The following SLC35F3 variants were observed in gnomAD, a reference collection of about 807,000 sequenced individuals.
The protein encoded by SLC35F3 is solute carrier family 35 member F3.
Under a neutral mutation model 49.9 loss-of-function variants are expected in SLC35F3, and 25 were observed. That is an observed-to-expected ratio of 0.50 (90% CI 0.37 to 0.70). The LOEUF (loss-of-function observed/expected upper bound fraction) is 0.70. SLC35F3 is among the 30% of genes least tolerant of loss of function. The pLI, the probability that SLC35F3 is intolerant of heterozygous loss-of-function variation, is 0.00. For missense variants in SLC35F3, 525 were observed against 639.8 expected (o/e 0.82, Z 1.94); for synonymous variants, 275 against 265.4 (o/e 1.04, Z -0.35).
At chr1:234,284,554 G>A (rs1668381049) in intron 3 of SLC35F3, among the ~76,000 whole-genome samples, 1 of 152,206 alleles carries the variant, frequency 6.6e-6, no homozygotes, top group Non-Finnish European at 1.5e-5. Context: ...GACTGTTGTA[G>A]TGGCCTGGAC....
chr1:234,259,674 AAATAAT>A (rs1393041001), intron 3 of SLC35F3, among the ~76,000 whole-genome samples: 2 of 151,338 alleles, frequency 1.3e-5, no homozygotes, highest in South Asian at 2.1e-4. Context: ...ACTCCATCTC[AAATAAT>A]AATAATGATA....
chr1:234,147,187 C>T (rs6672229), intron 2 of SLC35F3, among the ~76,000 whole-genome samples: 10,240 of 150,154 alleles, frequency 0.068, 577 homozygotes, highest in African/African-American at 0.14. Context: ...CTATTTGACA[C>T]CCTTTAATTC....
chr1:234,265,096 C>T (rs1438392135), intron 3 of SLC35F3, among the ~76,000 whole-genome samples: 2 of 152,136 alleles, frequency 1.3e-5, no homozygotes, highest in South Asian at 4.1e-4. Flanking sequence ...CTGATGATGA[C>T]CCCCAGATGC....
At chr1:234,309,464 A>C in intron 4 of SLC35F3, 144 bp downstream of exon 4, 1 of 698,750 alleles carries the variant, frequency 1.4e-6, no homozygotes, top group Non-Finnish European at 2.4e-6. Flanking sequence ...AAATGAGCCC[A>C]GCAGAGGGCC....
intron 2 of SLC35F3, among the ~76,000 whole-genome samples, chr1:234,043,235 A>G (rs962492417): frequency 2.6e-5 from 4 of 152,190 alleles, no homozygotes; most frequent in African/African-American, 4.8e-5. Context: ...TTACAGTAGC[A>G]GTTGTCAAAC....
At chr1:234,105,810 T>C (rs1665276511) in intron 2 of SLC35F3, among the ~76,000 whole-genome samples, 1 of 152,214 alleles carries the variant, frequency 6.6e-6, no homozygotes, top group Non-Finnish European at 1.5e-5. Flanking sequence ...CCCATTGCTA[T>C]CGGGACTGGA....
At chr1:233,906,665 G>GT (rs900551825) in intron 2 of SLC35F3, among the ~76,000 whole-genome samples, 63 of 152,070 alleles carry the variant, frequency 4.1e-4, no homozygotes, top group African/African-American at 1.3e-3. Flanking sequence ...TTGATTTTGA[G>GT]TTTTTTTCGA....
At chr1:234,306,097 G>A (rs1657167377) in intron 3 of SLC35F3, among the ~76,000 whole-genome samples, 2 of 152,138 alleles carry the variant, frequency 1.3e-5, no homozygotes, top group Admixed American at 1.3e-4. Flanking sequence ...ATCTGTCTTG[G>A]GTTCCCTTGC....
chr1:234,305,136 AATG>A lies in SLC35F3; in HGVS notation c.609-3962_609-3960del, dbSNP rs543578193. Among the ~76,000 whole-genome samples, 2 of 152,182 alleles carry A rather than the reference AATG, an allele frequency of 1.3e-5. 1 individual carries two copies. The highest frequency in any genetic ancestry group is 6.3e-3 in the Middle Eastern group (2 of 316). ...AACCAGTGTTTGTTGATATGAATTAAATGATAAGCCATCCTCATCCCTAAATGT... is the reference window on the plus strand; with the variant it reads ...AACCAGTGTTTGTTGATATGAATTAAATAAGCCATCCTCATCCCTAAATGT... On this transcript the variant is annotated intron_variant, in intron 3 of 7. Transcript: ENST00000366618.
At position 234,122,002 on chromosome 1, in the gene SLC35F3, A is replaced by G. The variant is rs191643854; in HGVS notation, c.284-109415A>G. ...TTTGGGTTGGTTCCAAGTCTTTGCT[A>G]TTGTGAATAGTGCTGCAATAAATAT... is the stretch of plus-strand genomic sequence containing the variant. On this transcript the variant is annotated intron_variant, in intron 2 of 7. Transcript: ENST00000366618. 1.8e-3 allele frequency among the ~76,000 whole-genome samples: 272 copies of G among 152,302 alleles called. 2 individuals carry two copies. Among genetic ancestry groups the G allele is most frequent in the African/African-American group, 6.1e-3 (255 of 41,552 alleles).
chr1:234,309,439 C>T, intron 4 of SLC35F3, 119 bp downstream of exon 4: 2 of 850,844 alleles, frequency 2.4e-6, no homozygotes, highest in Non-Finnish European at 3.6e-6. Context: ...CACTTTCCTT[C>T]TGATTTGCAG....
intron 2 of SLC35F3, among the ~76,000 whole-genome samples, chr1:234,187,796 G>A (rs1025373530): frequency 1.6e-4 from 25 of 152,268 alleles, no homozygotes; most frequent in African/African-American, 6.0e-4. Flanking sequence ...GTCTCACAGG[G>A]GTCCCTGGGG....
chr1:233,959,511 A>C (rs1662758849), intron 2 of SLC35F3, among the ~76,000 whole-genome samples: 1 of 152,104 alleles, frequency 6.6e-6, no homozygotes, highest in African/African-American at 2.4e-5. Context: ...TGAAAGATAT[A>C]ATTTTTTTTC....
chr1:234,242,365 C>T (rs995539121), intron 3 of SLC35F3, among the ~76,000 whole-genome samples: 1 of 152,222 alleles, frequency 6.6e-6, no homozygotes, highest in Non-Finnish European at 1.5e-5. Flanking sequence ...TAGGAAACTT[C>T]CTCTGATGCG....
At chr1:234,151,525 A>T (rs12071272) in intron 2 of SLC35F3, among the ~76,000 whole-genome samples, 2,790 of 152,004 alleles carry the variant, frequency 0.018, 81 homozygotes, top group African/African-American at 0.064. Context: ...AAATTATATA[A>T]GATGTGAAAA....
intron 2 of SLC35F3, among the ~76,000 whole-genome samples, chr1:234,170,526 G>C (rs1004642896): frequency 6.6e-6 from 1 of 151,872 alleles, no homozygotes; most frequent in Non-Finnish European, 1.5e-5. Context: ...TAGAGTACCC[G>C]TTCCAACCCA....
At chr1:234,075,324 G>A (rs75312367) in intron 2 of SLC35F3, among the ~76,000 whole-genome samples, 1 of 152,178 alleles carries the variant, frequency 6.6e-6, no homozygotes, top group Non-Finnish European at 1.5e-5. Flanking sequence ...TGCATGCCAA[G>A]CCCTTCACCT....
intron 3 of SLC35F3, among the ~76,000 whole-genome samples, chr1:234,238,540 A>G (rs1157648444): frequency 6.6e-6 from 1 of 152,002 alleles, no homozygotes; most frequent in African/African-American, 2.4e-5. Context: ...AGGTCCCACC[A>G]CTCCATATAG....
At chr1:234,250,928 T>C (rs920506254) in intron 3 of SLC35F3, among the ~76,000 whole-genome samples, 3 of 152,124 alleles carry the variant, frequency 2.0e-5, no homozygotes, top group African/African-American at 7.2e-5. Context: ...GCCCCTGTGA[T>C]ACAAAGACCT....
Sources: allele counts gnomAD v4.1 joint callset (sites outside exome capture counted in the v4.1 genomes callset), GRCh38; gene constraint gnomAD v4.1.1; transcripts MANE v1.5; gene names NCBI Gene and HGNC (gene_info 2026-07-23, HGNC 2026-07-21).